The following TAOK1 variants were observed in gnomAD, a reference collection of about 807,000 sequenced individuals.
TAOK1 encodes the protein serine/threonine-protein kinase TAO1.
TAOK1 carries 21 observed loss-of-function variants against 138.3 expected under a neutral mutation model. The ratio of observed to expected loss-of-function variants is 0.15; its 90% CI spans 0.11 to 0.22. The LOEUF (loss-of-function observed/expected upper bound fraction) is 0.22, where lower values mean the gene tolerates loss of function less well. Among genes scored for constraint, TAOK1 ranks in the 10% least tolerant of loss-of-function variants. The pLI is 1.00. For synonymous variants in TAOK1, 361 were observed against 398.4 expected (o/e 0.91, Z 1.12); for missense variants, 651 against 1,227.7 (o/e 0.53, Z 7.02).
intron 1 of TAOK1, among the ~76,000 whole-genome samples, chr17:29,409,896 G>T (rs914080280): frequency 3.9e-5 from 6 of 152,122 alleles, no homozygotes; most frequent in African/African-American, 1.4e-4. Flanking sequence ...TGATATATTT[G>T]CTCAGTGAGG....
intron 13 of TAOK1, among the ~76,000 whole-genome samples, chr17:29,506,994 A>G (rs1404669181): frequency 6.6e-6 from 1 of 152,244 alleles, no homozygotes; most frequent in Non-Finnish European, 1.5e-5. Flanking sequence ...GAAACCAGCC[A>G]TAAAAACTCA....
intron 1 of TAOK1, among the ~76,000 whole-genome samples, chr17:29,446,758 G>A (rs2030090783): frequency 1.5e-5 from 2 of 135,542 alleles, no homozygotes; most frequent in East Asian, 2.2e-4. Context: ...TTTTTTTTGA[G>A]ATGGAGTTGT....
chr17:29,496,579 C>CTTTTTT (rs748595265), intron 11 of TAOK1, among the ~76,000 whole-genome samples: 2 of 87,884 alleles, frequency 2.3e-5, no homozygotes, highest in Non-Finnish European at 2.0e-5. Flanking sequence ...CCATCTACAC[C>CTTTTTT]TTTTTTTTTT....
chr17:29,420,022 A>G (rs943585152), intron 1 of TAOK1, among the ~76,000 whole-genome samples: 3 of 149,232 alleles, frequency 2.0e-5, no homozygotes, highest in Non-Finnish European at 4.4e-5. Context: ...TGGGACTACA[A>G]GTGTTGCTGC....
intron 1 of TAOK1, among the ~76,000 whole-genome samples, chr17:29,449,187 G>C (rs1331524258): frequency 6.6e-6 from 1 of 151,988 alleles, no homozygotes; most frequent in African/African-American, 2.4e-5. Flanking sequence ...TTAATAGTTT[G>C]ATTAATTGAA....
intron 2 of TAOK1, among the ~76,000 whole-genome samples, chr17:29,456,242 G>C (rs2030373313): frequency 6.7e-6 from 1 of 149,918 alleles, no homozygotes; most frequent in Non-Finnish European, 1.5e-5. Context: ...CAGCTACTCG[G>C]GGAACTGAGG....
At chr17:29,431,234 A>T (rs766367187) in intron 1 of TAOK1, among the ~76,000 whole-genome samples, 3 of 152,086 alleles carry the variant, frequency 2.0e-5, no homozygotes, top group Non-Finnish European at 4.4e-5. Flanking sequence ...TGCGCTCTGG[A>T]GTTTGAGGCC....
chr17:29,434,326 G>T (rs1398752150), intron 1 of TAOK1, among the ~76,000 whole-genome samples: 2 of 152,082 alleles, frequency 1.3e-5, no homozygotes, highest in Non-Finnish European at 2.9e-5. Context: ...GAGAACTGAG[G>T]AGAAAGGGAA....
intron 2 of TAOK1, among the ~76,000 whole-genome samples, chr17:29,461,385 TTTAA>T (rs1182760256): frequency 6.6e-6 from 1 of 152,214 alleles, no homozygotes; most frequent in African/African-American, 2.4e-5. Context: ...CTAATGGCTC[TTTAA>T]TTATAAAATA....
chr17:29,489,950 A>G lies in TAOK1; in HGVS notation c.749+193A>G, dbSNP rs2031263169. Among the ~76,000 whole-genome samples, 3 of 152,100 alleles carry G rather than the reference A, an allele frequency of 2.0e-5. No homozygotes were observed. In the South Asian group the frequency reaches 6.2e-4, roughly 31 times the overall value. ...CCATTTCATGGCATACGTATAACTG[A>G]GTTCAGAAAAGGATGGATGATGTCA... On this transcript the variant is annotated intron_variant, in intron 9 of 19. Transcript: ENST00000261716.
chr17:29,480,072 G>T (rs976803317), intron 6 of TAOK1: 3 of 186,834 alleles, frequency 1.6e-5, no homozygotes, highest in African/African-American at 7.0e-5. Flanking sequence ...AAAAACCATT[G>T]TTTCTACCAA....
At chr17:29,443,666 T>C (rs2030003744) in intron 1 of TAOK1, among the ~76,000 whole-genome samples, 1 of 152,248 alleles carries the variant, frequency 6.6e-6, no homozygotes, top group African/African-American at 2.4e-5. Context: ...TTGTTCACTT[T>C]ATTAGGAAGG....
intron 19 of TAOK1, among the ~76,000 whole-genome samples, chr17:29,536,362 C>T (rs956953166): frequency 6.6e-6 from 1 of 151,476 alleles, no homozygotes; most frequent in Non-Finnish European, 1.5e-5. Context: ...CTTTGGGAGG[C>T]CAAGGCGGGC....
chr17:29,530,718 G>C, intron 18 of TAOK1, 99 bp downstream of exon 18: 2 of 1,000,154 alleles, frequency 2.0e-6, no homozygotes, highest in South Asian at 1.4e-5. Context: ...GGAAATGATA[G>C]CTCTCCTGAA....
At chr17:29,399,344 C>G (rs1904765702) in intron 1 of TAOK1, among the ~76,000 whole-genome samples, 1 of 151,000 alleles carries the variant, frequency 6.6e-6, no homozygotes, top group African/African-American at 2.4e-5. Context: ...GAGACGGAGT[C>G]TCGCTCTGTT....
At chr17:29,436,079 C>T (rs1906021878) in intron 1 of TAOK1, among the ~76,000 whole-genome samples, 1 of 152,104 alleles carries the variant, frequency 6.6e-6, no homozygotes, top group Non-Finnish European at 1.5e-5. Flanking sequence ...GCATTGAGTT[C>T]AGATTGAGCC....
At chr17:29,415,250 T>G (rs942769230) in intron 1 of TAOK1, among the ~76,000 whole-genome samples, 1 of 152,192 alleles carries the variant, frequency 6.6e-6, no homozygotes, top group Non-Finnish European at 1.5e-5. Context: ...TTACAGGCGG[T>G]GAGCCACCGC....
chr17:29,499,432 A>G (rs886629042), intron 12 of TAOK1, among the ~76,000 whole-genome samples: 3 of 151,280 alleles, frequency 2.0e-5, no homozygotes, highest in Non-Finnish European at 4.4e-5. Flanking sequence ...GGGTTTCACC[A>G]TGTTGGCCAG....
intron 15 of TAOK1, chr17:29,511,210 T>C: frequency 3.8e-6 from 1 of 265,044 alleles, no homozygotes; most frequent in Non-Finnish European, 7.2e-6. Context: ...GAAAATATAC[T>C]TTTTTTATGT....
Sources: gnomAD v4.1 joint callset for allele counts (sites outside exome capture counted in the v4.1 genomes callset) on GRCh38, gnomAD v4.1.1 for gene constraint, MANE v1.5 for transcripts, NCBI Gene and HGNC (gene_info 2026-07-23, HGNC 2026-07-21) for gene names.